Variants in GRM8 observed in about 807,000 individuals in gnomAD.
GRM8 encodes glutamate metabotropic receptor 8, also known as metabotropic glutamate receptor 8.
GRM8 carries 47 observed loss-of-function variants against 87.2 expected under a neutral mutation model. That is an observed-to-expected ratio of 0.54 (90% CI 0.43 to 0.69). GRM8 has a LOEUF of 0.69. GRM8 is among the 30% of genes least tolerant of loss of function. GRM8 has a pLI of 0.00. For synonymous variants in GRM8, 396 were observed against 404.5 expected (o/e 0.98, Z 0.25); for missense variants, 1,019 against 1,139.2 (o/e 0.89, Z 1.52).
chr7:126,992,612 T>C (rs768294793), intron 3 of GRM8, among the ~76,000 whole-genome samples: 1 of 152,072 alleles, frequency 6.6e-6, no homozygotes, highest in Non-Finnish European at 1.5e-5. Flanking sequence ...AAAAATTAAA[T>C]AAGGATATTT....
rs375164725 is a variant in GRM8 at position 126,588,668 on chromosome 7, G to T, written c.1494+20694C>A. On this transcript the variant is annotated intron_variant, in intron 8 of 10. Transcript: ENST00000339582. ...AGCTCCCACTCAGACAGGCAGAGCA[G>T]CATGTGGAGATACATCATGAACTTT... Among the ~76,000 whole-genome samples the T allele has an allele frequency of 1.6e-3, 246 of 152,266 alleles. 6 individuals carry two copies. The South Asian group carries it at 0.048, about 30-fold the overall frequency.
intron 7 of GRM8, among the ~76,000 whole-genome samples, chr7:126,690,893 G>A (rs76282173): frequency 0.12 from 18,188 of 152,136 alleles, 1,484 homozygotes; most frequent in Non-Finnish European, 0.15. Context: ...TGCCTGAGTC[G>A]CTTGAATCCA....
At chr7:127,187,697 G>T (rs528402306) in intron 2 of GRM8, among the ~76,000 whole-genome samples, 4 of 152,268 alleles carry the variant, frequency 2.6e-5, no homozygotes, top group South Asian at 2.1e-4. Flanking sequence ...GGCCTCTGCT[G>T]TGTCAGGTCT....
At chr7:127,087,584 G>T (rs549853591) in intron 3 of GRM8, among the ~76,000 whole-genome samples, 1 of 152,310 alleles carries the variant, frequency 6.6e-6, no homozygotes, top group East Asian at 1.9e-4. Flanking sequence ...AATGATGGTT[G>T]CCAGGAACTA....
chr7:126,541,434 T>C (rs1816525747), intron 8 of GRM8, among the ~76,000 whole-genome samples: 1 of 152,032 alleles, frequency 6.6e-6, no homozygotes, highest in African/African-American at 2.4e-5. Flanking sequence ...AGAGGGTACA[T>C]GTGAGATCAT....
chr7:127,241,727 A>T (rs1012140137), intron 2 of GRM8, among the ~76,000 whole-genome samples: 1 of 152,144 alleles, frequency 6.6e-6, no homozygotes, highest in African/African-American at 2.4e-5. Context: ...GAGCCACTGC[A>T]CCCAGCCAGG....
chr7:127,071,102 G>A (rs995216289), intron 3 of GRM8, among the ~76,000 whole-genome samples: 1 of 152,024 alleles, frequency 6.6e-6, no homozygotes, highest in Non-Finnish European at 1.5e-5. Flanking sequence ...CTATTTCACA[G>A]AAAATAACAT....
At chr7:126,891,371 T>A (rs936414182) in intron 6 of GRM8, among the ~76,000 whole-genome samples, 4 of 152,100 alleles carry the variant, frequency 2.6e-5, no homozygotes, top group Non-Finnish European at 4.4e-5. Context: ...CAATACATTA[T>A]CCATACTACA....
chr7:127,173,246 G>A (rs756773430), intron 2 of GRM8, among the ~76,000 whole-genome samples: 3 of 152,178 alleles, frequency 2.0e-5, no homozygotes, highest in African/African-American at 4.8e-5. Context: ...CATGATAAAC[G>A]AGTGCCAGGA....
intron 3 of GRM8, among the ~76,000 whole-genome samples, chr7:127,049,375 T>C (rs1252387626): frequency 6.6e-6 from 1 of 152,178 alleles, no homozygotes; most frequent in Non-Finnish European, 1.5e-5. Flanking sequence ...ACAAATTTGA[T>C]CTCCAGTTTA....
At chr7:126,458,132 G>C (rs1041619120) in intron 9 of GRM8, among the ~76,000 whole-genome samples, 3 of 150,336 alleles carry the variant, frequency 2.0e-5, no homozygotes, top group Non-Finnish European at 4.5e-5. Context: ...GAGAAAACTT[G>C]ATCAGTTAAA....
intron 2 of GRM8, among the ~76,000 whole-genome samples, chr7:127,117,943 A>G (rs1826798674): frequency 6.6e-6 from 1 of 152,244 alleles, no homozygotes; most frequent in African/African-American, 2.4e-5. Context: ...ATAGTACATG[A>G]TTTGACTCCT....
intron 2 of GRM8, among the ~76,000 whole-genome samples, chr7:127,195,579 T>C (rs534491253): frequency 5.3e-5 from 8 of 152,258 alleles, no homozygotes; most frequent in African/African-American, 1.9e-4. Context: ...GCCAGTTCTA[T>C]CCCCTCCGGA....
At chr7:126,775,728 A>G (rs1332030527) in intron 6 of GRM8, among the ~76,000 whole-genome samples, 1 of 152,096 alleles carries the variant, frequency 6.6e-6, no homozygotes, top group Non-Finnish European at 1.5e-5. Context: ...AGAGAGGATC[A>G]GTCAGGTAGA....
intron 2 of GRM8, among the ~76,000 whole-genome samples, chr7:127,159,149 C>A (rs1230113536): frequency 2.0e-5 from 3 of 152,222 alleles, no homozygotes; most frequent in Non-Finnish European, 4.4e-5. Flanking sequence ...GCTTTGATTT[C>A]ATCTCTCCCG....
At chr7:127,130,664 G>A (rs1261169522) in intron 2 of GRM8, among the ~76,000 whole-genome samples, 4 of 152,180 alleles carry the variant, frequency 2.6e-5, no homozygotes, top group African/African-American at 9.7e-5. Flanking sequence ...GATTTGGGAG[G>A]AGCCAGGGGT....
chr7:126,756,098 C>T (rs1816978250), intron 7 of GRM8, among the ~76,000 whole-genome samples: 1 of 151,880 alleles, frequency 6.6e-6, no homozygotes, highest in African/African-American at 2.4e-5. Context: ...CTTCACTTTT[C>T]ATGACATTTG....
chr7:126,799,545 A>T (rs1327768485), intron 6 of GRM8, among the ~76,000 whole-genome samples: 1 of 152,170 alleles, frequency 6.6e-6, no homozygotes, highest in Non-Finnish European at 1.5e-5. Context: ...AGCTTGGCAC[A>T]CAGGAACACA....
intron 7 of GRM8, among the ~76,000 whole-genome samples, chr7:126,756,715 G>A (rs1287061100): frequency 2.6e-5 from 4 of 152,026 alleles, no homozygotes; most frequent in African/African-American, 9.7e-5. Context: ...GCAAAACTGT[G>A]GAGATAGTTA....
Sources: gnomAD v4.1 joint callset for allele counts (sites outside exome capture counted in the v4.1 genomes callset) on GRCh38, gnomAD v4.1.1 for gene constraint, MANE v1.5 for transcripts, NCBI Gene and HGNC (gene_info 2026-07-23, HGNC 2026-07-21) for gene names.